Variants in DMD observed in about 807,000 individuals in gnomAD.
DMD encodes dystrophin.
In DMD, 63 loss-of-function variants were observed where a neutral mutation model predicts 330.1. That is an observed-to-expected ratio of 0.19 (90% CI 0.16 to 0.24). The LOEUF is 0.24. Among genes scored for constraint, DMD ranks in the 10% least tolerant of loss-of-function variants. DMD has a pLI of 1.00. For missense variants in DMD, 3,344 were observed against 2,684.1 expected (o/e 1.25, Z -5.43); for synonymous variants, 1,223 against 959.8 (o/e 1.27, Z -5.07).
chrX:33,096,556 A>G (rs4829277), intron 1 of DMD, among the ~76,000 whole-genome samples: 46,838 of 100,829 alleles, frequency 0.46, 9,670 homozygotes, highest in Admixed American at 0.56. Flanking sequence ...CCCAGGCTGG[A>G]GTGCAATGGC....
intron 44 of DMD, among the ~76,000 whole-genome samples, chrX:32,172,587 A>G (rs1294725500): frequency 1.8e-5 from 2 of 111,384 alleles, no homozygotes; most frequent in African/African-American, 6.5e-5. Context: ...AACGGGAGTT[A>G]TATCTGTCAC....
chrX:31,731,187 A>G (rs1184763336), intron 51 of DMD, among the ~76,000 whole-genome samples: 1 of 112,186 alleles, frequency 8.9e-6, no homozygotes, highest in Non-Finnish European at 1.9e-5. Context: ...TTGCTCAGAA[A>G]AAAAATCCAA....
At chrX:32,815,607 G>T (rs1025938980) in intron 6 of DMD, among the ~76,000 whole-genome samples, 3 of 106,394 alleles carry the variant, frequency 2.8e-5, no homozygotes, top group Non-Finnish European at 5.8e-5. Context: ...ATCTCTAAGT[G>T]TATGTGTACA....
chrX:31,481,030 T>G (rs959471920), intron 57 of DMD, among the ~76,000 whole-genome samples: 1 of 112,234 alleles, frequency 8.9e-6, no homozygotes, highest in Non-Finnish European at 1.9e-5. Flanking sequence ...AAAATGCAAG[T>G]GCAGAGTCAT....
At chrX:32,908,795 G>A (rs905158599) in intron 2 of DMD, among the ~76,000 whole-genome samples, 8 of 111,774 alleles carry the variant, frequency 7.2e-5, no homozygotes, top group African/African-American at 2.6e-4. Flanking sequence ...CATGAATAAA[G>A]TTCCTGAGGT....
At chrX:31,981,152 A>T (rs2095473514) in intron 44 of DMD, among the ~76,000 whole-genome samples, 2 of 111,794 alleles carry the variant, frequency 1.8e-5, no homozygotes, top group South Asian at 7.5e-4. Flanking sequence ...ATCCCCACAC[A>T]CAATGATCAA....
chrX:32,993,354 A>G (rs1475610387), intron 2 of DMD, among the ~76,000 whole-genome samples: 1 of 111,523 alleles, frequency 9.0e-6, no homozygotes, highest in Non-Finnish European at 1.9e-5. Context: ...CTGTAATCCT[A>G]GCACTTTGGG....
intron 7 of DMD, among the ~76,000 whole-genome samples, chrX:32,760,745 T>G (rs1044169199): frequency 8.9e-6 from 1 of 112,079 alleles, no homozygotes; most frequent in Admixed American, 9.4e-5. Flanking sequence ...TAGGCATCAT[T>G]ATGATCATTT....
intron 1 of DMD, among the ~76,000 whole-genome samples, chrX:33,122,195 A>G (rs975063378): frequency 1.8e-5 from 2 of 112,355 alleles, no homozygotes; most frequent in African/African-American, 6.5e-5. Flanking sequence ...AGTGAGCTCC[A>G]GCCTGGGTGA....
chrX:32,620,291 T>C (rs1403317547), intron 11 of DMD, among the ~76,000 whole-genome samples: 1 of 111,865 alleles, frequency 8.9e-6, no homozygotes, highest in Non-Finnish European at 1.9e-5. Context: ...ACACTCTTCA[T>C]ATAAAATTAC....
intron 30 of DMD, among the ~76,000 whole-genome samples, chrX:32,404,945 C>A (rs1022850124): frequency 2.7e-5 from 3 of 111,531 alleles, no homozygotes; most frequent in Non-Finnish European, 3.8e-5. Flanking sequence ...TCTTCCATCA[C>A]CCATTTTCCA....
rs766677832 is a variant in DMD at position 33,060,080 on chromosome X, G to A, written c.32-39880C>T. 1.1e-4 allele frequency among the ~76,000 whole-genome samples: 12 copies of A among 111,541 alleles called. No individual in the cohort carries two copies. In the Admixed American group the frequency reaches 1.2e-3, roughly 11 times the overall value. On this transcript the variant is annotated intron_variant, in intron 1 of 78. Coordinates refer to ENST00000357033, the MANE Select transcript of DMD (RefSeq NM_004006.3). ...TCACTTGCTGAATCACGGTAAGGCA[G>A]GCTTTATTCAAGACCATCTCAATAG...
intron 52 of DMD, among the ~76,000 whole-genome samples, chrX:31,705,589 G>T (rs958479172): frequency 3.6e-5 from 4 of 112,659 alleles, no homozygotes; most frequent in African/African-American, 1.3e-4. Flanking sequence ...AAGCTGCTTT[G>T]TTGGGAAATA....
intron 4 of DMD, among the ~76,000 whole-genome samples, chrX:32,826,827 A>G (rs1389460171): frequency 1.8e-5 from 2 of 110,781 alleles, no homozygotes; most frequent in African/African-American, 6.6e-5. Context: ...AAAATTGCTA[A>G]GAGAATAGAT....
rs12557992 is a variant in DMD, at chrX:32,790,282, G to T, written c.649+19211C>A. Among the ~76,000 whole-genome samples the T allele has an allele frequency of 4.3e-3, 482 of 112,101 alleles. 1 individual carries two copies. Among genetic ancestry groups the T allele is most frequent in the Middle Eastern group, 0.014 (3 of 217 alleles). On this transcript the variant is annotated intron_variant, in intron 7 of 78. Transcript: ENST00000357033. ...TGAGGCACTCTATCCAGCTGAGATT[G>T]GCTAGGAGTCTGGAGAGGCTCCCTA...
At chrX:32,598,516 T>C (rs1313039784) in intron 12 of DMD, among the ~76,000 whole-genome samples, 3 of 112,149 alleles carry the variant, frequency 2.7e-5, no homozygotes, top group Admixed American at 1.9e-4. Flanking sequence ...TCAATGAGTA[T>C]ATATAATTAC....
intron 2 of DMD, among the ~76,000 whole-genome samples, chrX:33,012,422 ATTTG>A (rs1165675356): frequency 8.9e-6 from 1 of 111,893 alleles, no homozygotes; most frequent in Non-Finnish European, 1.9e-5. Context: ...AAACACAATA[ATTTG>A]TTTATGAGTA....
At chrX:32,784,182 A>G (rs2075154614) in intron 7 of DMD, among the ~76,000 whole-genome samples, 1 of 111,873 alleles carries the variant, frequency 8.9e-6, no homozygotes, top group Non-Finnish European at 1.9e-5. Context: ...TATGTATTTT[A>G]TTGGCAATAT....
chrX:33,061,477 T>C (rs1182651738), intron 1 of DMD, among the ~76,000 whole-genome samples: 2 of 111,666 alleles, frequency 1.8e-5, no homozygotes, highest in Non-Finnish European at 3.8e-5. Context: ...AGTAGTGATA[T>C]TGTAGGCATA....
Sources: allele counts gnomAD v4.1 joint callset (sites outside exome capture counted in the v4.1 genomes callset), GRCh38; gene constraint gnomAD v4.1.1; transcripts MANE v1.5; gene names NCBI Gene and HGNC (gene_info 2026-07-23, HGNC 2026-07-21).